Variants in PAPPA2 observed in about 807,000 individuals in gnomAD.
PAPPA2 encodes the protein pappalysin 2, also known as pappalysin-2.
PAPPA2 carries 86 observed loss-of-function variants against 176.4 expected under a neutral mutation model. The observed-to-expected ratio is 0.49, with a 90% CI of 0.41 to 0.58. The LOEUF is 0.58. Ranked by LOEUF, PAPPA2 falls within the 20% of genes least tolerant of loss-of-function variation. PAPPA2 has a pLI of 0.00. For synonymous variants in PAPPA2, 809 were observed against 852.2 expected (o/e 0.95, Z 0.88); for missense variants, 2,073 against 2,256.9 (o/e 0.92, Z 1.65).
rs377446133 is a variant in PAPPA2, at chr1:176,678,139, T to A, written c.2137+7024T>A. The stretch of plus-strand genomic sequence containing the variant: ...GCAGATGGCAGGGTTCAGCACACAC[T>A]TAGAAGTGGGTGTGCTTTGCATGAC... On this transcript the variant is annotated intron_variant, in intron 4 of 22. Transcript: ENST00000367662. Among the ~76,000 whole-genome samples the A allele has an allele frequency of 1.9e-4, 29 of 152,290 alleles. No homozygotes were observed. In the South Asian group the frequency reaches 5.8e-3, roughly 30 times the overall value.
In PAPPA2 at chr1:176,472,632, A is replaced by G. The variant is rs576979562; in HGVS notation, c.-917+9214A>G. Among the ~76,000 whole-genome samples, 7 of 152,226 alleles carry G rather than the reference A, an allele frequency of 4.6e-5. No homozygotes were observed. The East Asian group carries it at 1.4e-3, about 29-fold the overall frequency. On this transcript the variant is annotated intron_variant, in intron 1 of 22. Coordinates refer to ENST00000367662, the MANE Select transcript of PAPPA2 (RefSeq NM_020318.3). ...TTGATCATTGTTTCCAGGTCTTTTCAGTGGGCAGAGCTACAAAATATATAT... is the reference window on the plus strand; with the variant it reads ...TTGATCATTGTTTCCAGGTCTTTTCGGTGGGCAGAGCTACAAAATATATAT...
intron 3 of PAPPA2, among the ~76,000 whole-genome samples, chr1:176,615,904 G>T (rs1419593828): frequency 6.6e-6 from 1 of 152,150 alleles, no homozygotes; most frequent in African/African-American, 2.4e-5. Context: ...GTATGGTGCT[G>T]GGTGTTTTGG....
chr1:176,530,076 G>A lies in PAPPA2; in HGVS notation c.-916-25331G>A, dbSNP rs143170542. Among the ~76,000 whole-genome samples, 607 of 152,248 alleles carry A rather than the reference G, an allele frequency of 4.0e-3. 5 individuals carry two copies. The highest frequency in any genetic ancestry group is 0.014 in the African/African-American group (591 of 41,540). On this transcript the variant is annotated intron_variant, in intron 1 of 22. Coordinates refer to ENST00000367662, the MANE Select transcript of PAPPA2 (RefSeq NM_020318.3). Reference sequence around the variant, plus strand: ...TGGGCATGTGATAGGGGCCACAAGAGAAGATAAATAAAGCTCACAATTCAA... The same window carrying A: ...TGGGCATGTGATAGGGGCCACAAGAAAAGATAAATAAAGCTCACAATTCAA...
chr1:176,818,463 G>A (rs757324601), intron 21 of PAPPA2, among the ~76,000 whole-genome samples: 2 of 152,218 alleles, frequency 1.3e-5, no homozygotes, highest in Middle Eastern at 3.4e-3. Context: ...AACATCTGCC[G>A]TCCGGTTGCT....
intron 2 of PAPPA2, among the ~76,000 whole-genome samples, chr1:176,569,746 A>G (rs1652208037): frequency 6.6e-6 from 1 of 152,260 alleles, no homozygotes; most frequent in African/African-American, 2.4e-5. Flanking sequence ...GTTAATAACA[A>G]ATAACTAATT....
intron 17 of PAPPA2, among the ~76,000 whole-genome samples, chr1:176,779,910 C>T (rs964252155): frequency 2.0e-5 from 3 of 152,172 alleles, no homozygotes; most frequent in East Asian, 1.9e-4. Context: ...TCTCCCTTTT[C>T]AGTCAGGGCA....
Position 176,594,637 on chromosome 1 carries a change from G to A in PAPPA2, c.1033G>A (p.Asp345Asn), listed in dbSNP as rs774370341. Residue 345 changes from aspartate to asparagine, a missense_variant, in exon 3 of 23, where the codon GAC (aspartate) becomes AAC (asparagine). Asp to Asn is a conservative substitution (Grantham distance 23, BLOSUM62 1). Coordinates refer to ENST00000367662, the MANE Select transcript of PAPPA2 (RefSeq NM_020318.3). ...DARFFFSLCT[D>N]RVKKATILIS... ...TCGCTTCTTCTTCTCCCTCTGCACC[G>A]ACCGCGTGAAGAAAGCCACCATCTT... The A allele has an allele frequency of 1.8e-5, 29 of 1,614,026 alleles. 1 individual carries two copies. Among genetic ancestry groups the A allele is most frequent in the South Asian group, 1.3e-4 (12 of 91,068 alleles).
rs1291995091 is a variant in PAPPA2 at position 176,587,640 on chromosome 1, G to GTAGT, written c.920-6883_920-6882insAGTT. On this transcript the variant is annotated intron_variant, in intron 2 of 22. Transcript: ENST00000367662. Reference sequence around the variant, plus strand: ...CTGAGGTCTCTGTTCTACTCCATTGGTCTTTATGTCTGTTTTGGTAATAGG... The same window carrying GTAGT: ...CTGAGGTCTCTGTTCTACTCCATTGGTAGTTCTTTATGTCTGTTTTGGTAATAGG... 2.9e-4 allele frequency among the ~76,000 whole-genome samples: 44 copies of GTAGT among 152,306 alleles called. No individual in the cohort carries two copies. The Middle Eastern group carries it at 0.01, about 35-fold the overall frequency.
chr1:176,517,411 C>T (rs1241273249), intron 1 of PAPPA2, among the ~76,000 whole-genome samples: 2 of 152,130 alleles, frequency 1.3e-5, no homozygotes, highest in African/African-American at 2.4e-5. Context: ...ACCTCAGCAA[C>T]GTCAATGTCT....
At position 176,699,472 on chromosome 1, in the gene PAPPA2, C is replaced by T. The variant is rs907520415; in HGVS notation, c.3119C>T (p.Pro1040Leu). 17 of 1,613,902 alleles carry T rather than the reference C, an allele frequency of 1.1e-5. No homozygotes were observed. Among genetic ancestry groups the T allele is most frequent in the Non-Finnish European group, 1.4e-5 (16 of 1,180,016 alleles). Residue 1040 changes from proline to leucine, a missense_variant, in exon 8 of 23, where the codon CCC becomes CTC. Coordinates refer to ENST00000367662, the MANE Select transcript of PAPPA2 (RefSeq NM_020318.3). ...GATGCAGCACTCCTGACTTCTCAGC[C>T]CCACAGTCCCTTGTGCTCTGGCTGC... ...EIDAALLTSQ[P>L]HSPLCSGCRP...
intron 2 of PAPPA2, among the ~76,000 whole-genome samples, chr1:176,585,126 G>T: frequency 6.6e-6 from 1 of 152,074 alleles, no homozygotes; most frequent in East Asian, 1.9e-4. Flanking sequence ...CTATCTTTTT[G>T]CTTCCAGAGG....
intron 17 of PAPPA2, among the ~76,000 whole-genome samples, chr1:176,781,884 G>A (rs747112383): frequency 2.0e-5 from 3 of 152,110 alleles, no homozygotes; most frequent in African/African-American, 4.8e-5. Context: ...GAGTGAAAAG[G>A]CTTTCTAACT....
chr1:176,822,695 A>G (rs1488917078), intron 21 of PAPPA2, among the ~76,000 whole-genome samples: 1 of 152,116 alleles, frequency 6.6e-6, no homozygotes, highest in Admixed American at 6.6e-5. Flanking sequence ...AAATGATGTA[A>G]TGGTTCACTC....
chr1:176,692,076 T>C, intron 5 of PAPPA2, 50 bp from the exon 6 acceptor site: 2 of 1,526,822 alleles, frequency 1.3e-6, no homozygotes, highest in Non-Finnish European at 9.0e-7. Context: ...CTTGGTGGAC[T>C]TGATGGGTTA....
At chr1:176,549,115 T>A (rs1045254084) in intron 1 of PAPPA2, among the ~76,000 whole-genome samples, 18 of 152,230 alleles carry the variant, frequency 1.2e-4, no homozygotes, top group African/African-American at 4.1e-4. Flanking sequence ...TGTAAGTGTT[T>A]TCATACTAAT....
chr1:176,517,989 T>C (rs920702909), intron 1 of PAPPA2, among the ~76,000 whole-genome samples: 1 of 152,174 alleles, frequency 6.6e-6, no homozygotes, highest in Non-Finnish European at 1.5e-5. Flanking sequence ...AGGCCAGTCA[T>C]GGATTACTAG....
chr1:176,631,121 C>T (rs1435159962), intron 3 of PAPPA2, among the ~76,000 whole-genome samples: 1 of 152,076 alleles, frequency 6.6e-6, no homozygotes, highest in Non-Finnish European at 1.5e-5. Flanking sequence ...TATGTAGTCC[C>T]AGGAATTTAG....
intron 17 of PAPPA2, among the ~76,000 whole-genome samples, chr1:176,774,924 A>G (rs1438733837): frequency 2.0e-5 from 3 of 152,072 alleles, no homozygotes; most frequent in Non-Finnish European, 4.4e-5. Flanking sequence ...GACTTCTTTT[A>G]TATCTTCGTG....
intron 2 of PAPPA2, among the ~76,000 whole-genome samples, chr1:176,565,317 C>G (rs923574760): frequency 6.6e-6 from 1 of 152,054 alleles, no homozygotes; most frequent in Non-Finnish European, 1.5e-5. Flanking sequence ...CATTTTGAGG[C>G]TCTACCAGAC....
Sources: allele counts gnomAD v4.1 joint callset (sites outside exome capture counted in the v4.1 genomes callset), GRCh38; gene constraint gnomAD v4.1.1; transcripts MANE v1.5; gene names NCBI Gene and HGNC (gene_info 2026-07-23, HGNC 2026-07-21).